TCERG1L: variants seen among roughly 807,000 people sequenced by gnomAD.
TCERG1L encodes the protein transcription elongation regulator 1-like protein.
In TCERG1L, 37 loss-of-function variants were observed where a neutral mutation model predicts 56.3. That is an observed-to-expected ratio of 0.66 (90% CI 0.51 to 0.87). TCERG1L has a LOEUF of 0.87. TCERG1L is among the 40% of genes least tolerant of loss of function. TCERG1L has a pLI of 0.00. For synonymous variants in TCERG1L, 324 were observed against 326.3 expected, an observed-to-expected ratio of 0.99 and a Z score of 0.08; for missense variants, 799 against 774.2, an observed-to-expected ratio of 1.03 and a Z score of -0.38.
chr10:131,178,072 G>C (rs377043827), intron 4 of TCERG1L, among the ~76,000 whole-genome samples: 6 of 152,046 alleles, frequency 3.9e-5, no homozygotes, highest in African/African-American at 1.2e-4. Context: ...TCTCAGGAGT[G>C]GGGGGAGCCT....
At chr10:131,156,142 C>A (rs916342847) in intron 6 of TCERG1L, 1 of 152,312 alleles carries the variant, frequency 6.6e-6, no homozygotes, top group South Asian at 2.1e-4. Context: ...TAATCACCAT[C>A]ATTTCTAATC....
chr10:131,093,443 G>A, intron 11 of TCERG1L, 125 bp from the exon 12 acceptor site: 1 of 1,170,484 alleles, frequency 8.5e-7, no homozygotes, highest in Non-Finnish European at 1.2e-6. Context: ...TGGGTGGCAG[G>A]GCACCCGGTG....
intron 3 of TCERG1L, among the ~76,000 whole-genome samples, chr10:131,264,802 AG>A (rs1435318163): frequency 6.6e-6 from 1 of 152,190 alleles, no homozygotes; most frequent in East Asian, 1.9e-4. Flanking sequence ...CTCAGTTCCC[AG>A]GGAATTCCCG....
chr10:131,244,133 A>G lies in TCERG1L; in HGVS notation c.856+16126T>C, dbSNP rs553893547. Among the ~76,000 whole-genome samples the G allele has an allele frequency of 9.2e-5, 14 of 152,380 alleles. No individual in the cohort carries two copies. The East Asian group carries it at 1.7e-3, about 19-fold the overall frequency. On this transcript the variant is annotated intron_variant, in intron 4 of 11. Coordinates refer to ENST00000368642, the MANE Select transcript of TCERG1L (RefSeq NM_174937.4). ...GGAAAAGTTAACTCGCAAAAACGCAAGACATAAAATAAAAGTGCATCGATC... is the reference window on the plus strand; with the variant it reads ...GGAAAAGTTAACTCGCAAAAACGCAGGACATAAAATAAAAGTGCATCGATC...
rs937541002 is a variant in TCERG1L, at chr10:131,311,123, C to A, written c.342+171G>T. 6.6e-6 allele frequency among the ~76,000 whole-genome samples: 1 copy of A among 152,152 alleles called. No individual in the cohort carries two copies. The highest frequency in any genetic ancestry group is 1.5e-5 in the Non-Finnish European group (1 of 68,022). On this transcript the variant is annotated intron_variant, in intron 1 of 11. Transcript: ENST00000368642. This position sits in a 1 kb window ranked among gnomAD's most constrained non-coding sequence, Gnocchi z 4.0. ...AGGTGGACGACCGGGCGTCCAAGCACGAACTTTCTCGCCGAGGCACGGCTG... is the reference window on the plus strand; with the variant it reads ...AGGTGGACGACCGGGCGTCCAAGCAAGAACTTTCTCGCCGAGGCACGGCTG...
intron 4 of TCERG1L, among the ~76,000 whole-genome samples, chr10:131,173,351 G>A (rs1564807237): frequency 1.3e-5 from 2 of 152,196 alleles, no homozygotes; most frequent in African/African-American, 4.8e-5. Flanking sequence ...AGTAGGGAGG[G>A]CACAAATTAT....
At chr10:131,172,430 G>C (rs1357772318) in intron 4 of TCERG1L, among the ~76,000 whole-genome samples, 4 of 152,226 alleles carry the variant, frequency 2.6e-5, no homozygotes, top group African/African-American at 7.2e-5. Context: ...GATGATCTTG[G>C]AACTAGGCAG....
At chr10:131,295,955 GATTT>G (rs1846685450) in intron 3 of TCERG1L, among the ~76,000 whole-genome samples, 1 of 151,948 alleles carries the variant, frequency 6.6e-6, no homozygotes, top group African/African-American at 2.4e-5. Flanking sequence ...ATTTCTGTTG[GATTT>G]TTTTTTCTTA....
In TCERG1L at chr10:131,260,480, C is replaced by CG. The variant is rs1846226765; in HGVS notation, c.671-37dup. 5.1e-6 allele frequency: 7 copies of CG among 1,363,200 alleles called. No individual in the cohort carries two copies. Among genetic ancestry groups the CG allele is most frequent in the Non-Finnish European group, 6.6e-6 (7 of 1,054,386 alleles). The allele number at this position is 1,363,200 out of a possible 1,614,324, so 84.4% of individuals were successfully genotyped here. ...GGGATGCAGAGGGTCAGCAAGGGGA[C>CG]GACCAGGGCCATGGGTGACAGATGC... On this transcript the variant is annotated intron_variant, in intron 3 of 11. Transcript: ENST00000368642. This position sits in a 1 kb window ranked among gnomAD's most constrained non-coding sequence, Gnocchi z 5.8.
chr10:131,149,600 C>T (rs769442053), intron 6 of TCERG1L, among the ~76,000 whole-genome samples: 6 of 152,230 alleles, frequency 3.9e-5, no homozygotes, highest in South Asian at 2.1e-4. Context: ...TTCCTCCAGA[C>T]GCAGACCTGG....
At chr10:131,239,719 G>A (rs1289795828) in intron 4 of TCERG1L, among the ~76,000 whole-genome samples, 7 of 152,248 alleles carry the variant, frequency 4.6e-5, no homozygotes, top group African/African-American at 7.2e-5. Context: ...GCTTCCGGTG[G>A]TATGGAAATC....
chr10:131,269,741 A>C lies in TCERG1L; in HGVS notation c.671-9297T>G, dbSNP rs1846319775. 2.6e-5 allele frequency among the ~76,000 whole-genome samples: 4 copies of C among 152,262 alleles called. No individual in the cohort carries two copies. The South Asian group carries it at 8.3e-4, about 31-fold the overall frequency. On this transcript the variant is annotated intron_variant, in intron 3 of 11. Transcript: ENST00000368642. ...AAACTTTGAAACACTGAGAGTTCCCAGAATGTAACAGAGACATGAAGTGAG... is the reference window on the plus strand; with the variant it reads ...AAACTTTGAAACACTGAGAGTTCCCCGAATGTAACAGAGACATGAAGTGAG...
intron 3 of TCERG1L, among the ~76,000 whole-genome samples, chr10:131,273,013 C>A (rs963871679): frequency 1.3e-5 from 2 of 152,184 alleles, no homozygotes; most frequent in African/African-American, 4.8e-5. Flanking sequence ...TGGAGTGAGG[C>A]TTTGGAGACT....
At chr10:131,194,051 C>T (rs963590969) in intron 4 of TCERG1L, among the ~76,000 whole-genome samples, 1 of 152,162 alleles carries the variant, frequency 6.6e-6, no homozygotes, top group African/African-American at 2.4e-5. Context: ...TGATTAATAG[C>T]CACACCTCCA....
intron 4 of TCERG1L, among the ~76,000 whole-genome samples, chr10:131,193,517 T>C (rs964869515): frequency 1.3e-5 from 2 of 152,216 alleles, no homozygotes; most frequent in African/African-American, 4.8e-5. Context: ...GAGCTGACTT[T>C]TGTATATTGT....
intron 3 of TCERG1L, among the ~76,000 whole-genome samples, chr10:131,269,291 A>C (rs1210021589): frequency 6.6e-6 from 1 of 152,094 alleles, no homozygotes; most frequent in African/African-American, 2.4e-5. Flanking sequence ...GGTTCAAGTG[A>C]TTCTCCTGCC....
At chr10:131,141,489 G>A (rs1307667730) in intron 7 of TCERG1L, among the ~76,000 whole-genome samples, 2 of 152,128 alleles carry the variant, frequency 1.3e-5, no homozygotes, top group African/African-American at 4.8e-5. Flanking sequence ...AGCGCTCCCT[G>A]CCCAACATCT....
intron 3 of TCERG1L, among the ~76,000 whole-genome samples, chr10:131,279,241 G>T (rs571383067): frequency 6.6e-6 from 1 of 152,306 alleles, no homozygotes; most frequent in African/African-American, 2.4e-5. Context: ...CTAAACATGG[G>T]TTGACTTTAC....
At chr10:131,157,853 C>T (rs1845939712) in intron 6 of TCERG1L, among the ~76,000 whole-genome samples, 4 of 152,154 alleles carry the variant, frequency 2.6e-5, no homozygotes, top group Admixed American at 2.6e-4. Context: ...AAGTACTCAG[C>T]AGTAGAATGT....
Sources: gnomAD v4.1 joint callset for allele counts (sites outside exome capture counted in the v4.1 genomes callset) on GRCh38, gnomAD v4.1.1 for gene constraint, Gnocchi (gnomAD v3.1) non-coding constraint, MANE v1.5 for transcripts, NCBI Gene and HGNC (gene_info 2026-07-23, HGNC 2026-07-21) for gene names.